Variants in CDH20 observed in about 807,000 individuals in gnomAD.
The protein encoded by CDH20 is cadherin-20.
Under a neutral mutation model 74.2 loss-of-function variants are expected in CDH20, and 29 were observed. That is an observed-to-expected ratio of 0.39 (90% CI 0.29 to 0.53). The LOEUF is 0.53. Among genes scored for constraint, CDH20 ranks in the 20% least tolerant of loss-of-function variants. CDH20 has a pLI of 0.69. For missense variants in CDH20, 988 were observed against 1,048.3 expected (o/e 0.94, Z 0.79); for synonymous variants, 469 against 405.4 (o/e 1.16, Z -1.88).
chr18:61,417,378 A>G (rs888998402), intron 1 of CDH20, among the ~76,000 whole-genome samples: 5 of 152,198 alleles, frequency 3.3e-5, no homozygotes, highest in Admixed American at 3.3e-4. Context: ...CAAGATAAGG[A>G]ATCAACCTAA....
intron 1 of CDH20, among the ~76,000 whole-genome samples, chr18:61,429,461 A>C (rs537438260): frequency 1.7e-4 from 26 of 152,198 alleles, no homozygotes; most frequent in Non-Finnish European, 3.5e-4. Context: ...CCCCCAAAAT[A>C]ATCACAATTA....
chr18:61,547,453 C>CA (rs1555685094), intron 10 of CDH20, among the ~76,000 whole-genome samples: 2 of 152,080 alleles, frequency 1.3e-5, no homozygotes, highest in African/African-American at 4.8e-5. Context: ...CCAGTAAAGC[C>CA]TTTTTTTACT....
chr18:61,471,738 C>G (rs137858978), intron 1 of CDH20, among the ~76,000 whole-genome samples: 35 of 152,270 alleles, frequency 2.3e-4, no homozygotes, highest in African/African-American at 8.4e-4. Context: ...TTTGTCGGAG[C>G]ATTTATAGCC....
At chr18:61,339,681 ATTT>A (rs898945778) in intron 1 of CDH20, among the ~76,000 whole-genome samples, 30 of 88,416 alleles carry the variant, frequency 3.4e-4, no homozygotes, top group African/African-American at 1.0e-3. Flanking sequence ...GGTCATAGAA[ATTT>A]TTTTTTTTTT....
At chr18:61,454,273 A>C (rs142847203) in intron 1 of CDH20, among the ~76,000 whole-genome samples, 26 of 152,218 alleles carry the variant, frequency 1.7e-4, no homozygotes, top group African/African-American at 5.8e-4. Context: ...TTATTTTGGT[A>C]ACTATAGCAA....
chr18:61,538,802 CA>C (rs1225637009), intron 8 of CDH20, among the ~76,000 whole-genome samples: 1 of 151,130 alleles, frequency 6.6e-6, no homozygotes, highest in Non-Finnish European at 1.5e-5. Flanking sequence ...GTATTTTTAG[CA>C]GAGATGGAGT....
At chr18:61,406,661 T>C (rs886638787) in intron 1 of CDH20, among the ~76,000 whole-genome samples, 3 of 152,166 alleles carry the variant, frequency 2.0e-5, no homozygotes, top group African/African-American at 7.2e-5. Flanking sequence ...TTGAGAAAGG[T>C]GTCTTTAGGG....
intron 1 of CDH20, among the ~76,000 whole-genome samples, chr18:61,402,336 G>C (rs900090752): frequency 2.0e-5 from 3 of 152,030 alleles, no homozygotes; most frequent in African/African-American, 7.2e-5. Flanking sequence ...TCTCTGATAA[G>C]ATTTACTGAA....
chr18:61,534,235 A>T (rs1293273254), intron 7 of CDH20, among the ~76,000 whole-genome samples: 2 of 152,238 alleles, frequency 1.3e-5, no homozygotes, highest in Non-Finnish European at 2.9e-5. Context: ...ATGAAACGTA[A>T]GTGTTGGCTG....
intron 1 of CDH20, among the ~76,000 whole-genome samples, chr18:61,477,463 T>C (rs959674359): frequency 2.0e-5 from 3 of 152,208 alleles, no homozygotes; most frequent in African/African-American, 4.8e-5. Flanking sequence ...CTAAATTCTG[T>C]TTTCTGCAAT....
chr18:61,449,235 C>A (rs965897191), intron 1 of CDH20, among the ~76,000 whole-genome samples: 1 of 152,070 alleles, frequency 6.6e-6, no homozygotes, highest in African/African-American at 2.4e-5. Context: ...AATTGAAATA[C>A]AGAATGCAGC....
At chr18:61,508,719 C>A (rs1286868687) in intron 6 of CDH20, among the ~76,000 whole-genome samples, 1 of 152,172 alleles carries the variant, frequency 6.6e-6, no homozygotes, top group Non-Finnish European at 1.5e-5. Flanking sequence ...TCACTGCAAC[C>A]TCCGCCTCCC....
chr18:61,396,053 T>TGTGTGTGTGTGTGTG (rs1568123818), intron 1 of CDH20, among the ~76,000 whole-genome samples: 3,007 of 142,754 alleles, frequency 0.021, 53 homozygotes, highest in South Asian at 0.078. Context: ...GTGTGTGTGT[T>TGTGTGTGTGTGTGTG]TGTGTGTGTG....
Position 61,527,951 on chromosome 18 carries a change from T to C in CDH20, c.1018-16T>C, listed in dbSNP as rs1361342286. 2 of 1,613,416 alleles carry C rather than the reference T, an allele frequency of 1.2e-6. No individual in the cohort carries two copies. The highest frequency in any genetic ancestry group is 1.7e-5 in the Admixed American group (1 of 59,916). On this transcript the variant is annotated splice_polypyrimidine_tract_variant and intron_variant, in intron 6 of 11. Transcript: ENST00000262717. ...AACCTCAGTGGCGAATCAATTTTCC[T>C]GTCATTGCTTTTCAGCCCCTGAGTT... is the stretch of plus-strand genomic sequence containing the variant.
chr18:61,407,536 G>A lies in CDH20; in HGVS notation c.-153+73709G>A, dbSNP rs555198434. 1.3e-3 allele frequency among the ~76,000 whole-genome samples: 203 copies of A among 152,248 alleles called. 1 individual carries two copies. The highest frequency in any genetic ancestry group is 4.7e-3 in the African/African-American group (194 of 41,548). The stretch of plus-strand genomic sequence containing the variant: ...ATTAAAGTAACAGGGACCAAATTAC[G>A]CAGGATCTTAGAAGAGTTTGCCATT... On this transcript the variant is annotated intron_variant, in intron 1 of 11. Transcript: ENST00000262717.
rs115718755 is a variant in CDH20, at chr18:61,337,231, C to T, written c.-153+3404C>T. On this transcript the variant is annotated intron_variant, in intron 1 of 11. Coordinates refer to ENST00000262717, the MANE Select transcript of CDH20 (RefSeq NM_031891.4). ...CCCCCAAAGGCATACCCCCAGAATA[C>T]CAGAGAGCTAAGACTCAGGGCTGCC... is the stretch of plus-strand genomic sequence containing the variant. Among the ~76,000 whole-genome samples, 901 of 152,276 alleles carry T rather than the reference C, an allele frequency of 5.9e-3. 13 individuals carry two copies. Among genetic ancestry groups the T allele is most frequent in the African/African-American group, 0.02 (832 of 41,548 alleles).
chr18:61,472,476 A>T (rs1382871047), intron 1 of CDH20, among the ~76,000 whole-genome samples: 1 of 152,152 alleles, frequency 6.6e-6, no homozygotes, highest in Non-Finnish European at 1.5e-5. Context: ...ATACAGTGGG[A>T]GCTGGCAGCA....
intron 6 of CDH20, among the ~76,000 whole-genome samples, chr18:61,512,277 G>A (rs1397656606): frequency 6.6e-6 from 1 of 152,092 alleles, no homozygotes; most frequent in Non-Finnish European, 1.5e-5. Flanking sequence ...TTTTCAGGAT[G>A]TTCTTTATTC....
At chr18:61,486,197 C>G (rs1475887996) in intron 1 of CDH20, among the ~76,000 whole-genome samples, 2 of 152,168 alleles carry the variant, frequency 1.3e-5, no homozygotes, top group African/African-American at 4.8e-5. Context: ...ACTGTGTCCC[C>G]TTTCAGCATA....
Sources: gnomAD v4.1 joint callset for allele counts (sites outside exome capture counted in the v4.1 genomes callset) on GRCh38, gnomAD v4.1.1 for gene constraint, MANE v1.5 for transcripts, NCBI Gene and HGNC (gene_info 2026-07-23, HGNC 2026-07-21) for gene names.